Variants in MORN4 observed in about 807,000 individuals in gnomAD.
MORN4 encodes the protein MORN repeat-containing protein 4.
A neutral mutation model predicts 16.4 loss-of-function variants in MORN4; 8 were observed. The ratio of observed to expected loss-of-function variants is 0.49; its 90% CI spans 0.29 to 0.88. The LOEUF (loss-of-function observed/expected upper bound fraction) is 0.88, where lower values mean the gene tolerates loss of function less well. Ranked by LOEUF, MORN4 falls within the 40% of genes least tolerant of loss-of-function variation. MORN4 has a pLI of 0.09. For synonymous variants in MORN4, 53 were observed against 68.9 expected, an observed-to-expected ratio of 0.77 and a Z score of 1.14; for missense variants, 159 against 182.9, an observed-to-expected ratio of 0.87 and a Z score of 0.75.
rs1417062917 is a variant in MORN4 at position 97,614,588 on chromosome 10, C to T, written c.*1675G>A. 1 of 152,566 alleles carries T rather than the reference C, an allele frequency of 6.6e-6. No individual in the cohort carries two copies. Among genetic ancestry groups the T allele is most frequent in the Non-Finnish European group, 1.5e-5 (1 of 68,036 alleles). 9.5% of individuals were successfully genotyped at this position (152,566 alleles called of 1,614,324 possible). ...TGGTGATTTCTTTATTCTTTATAAA[C>T]ACCTTTTTCTACAGTACAATTCAGA... On this transcript the variant is annotated 3_prime_UTR_variant, in exon 5 of 5. Coordinates refer to ENST00000307450, the MANE Select transcript of MORN4 (RefSeq NM_178832.4).
At chr10:97,619,706 A>T in intron 1 of MORN4, 23 bp from the exon 2 acceptor site, 1 of 1,584,532 alleles carries the variant, frequency 6.3e-7, no homozygotes, top group Non-Finnish European at 8.7e-7. Flanking sequence ...AGCAAAGGAG[A>T]ACCAGTGTCA....
At chr10:97,616,530 A>G (rs1192883212) in intron 4 of MORN4, 119 bp from the exon 5 acceptor site, 2 of 1,303,534 alleles carry the variant, frequency 1.5e-6, no homozygotes, top group Non-Finnish European at 2.1e-6. Context: ...AGCTCTACTC[A>G]GGAGTACTCT....
chr10:97,631,834 C>T (rs2041398219), intron 1 of MORN4, among the ~76,000 whole-genome samples: 1 of 152,228 alleles, frequency 6.6e-6, no homozygotes, highest in South Asian at 2.1e-4. Flanking sequence ...ACTCAGGAGG[C>T]TGAGGTAGGA....
intron 1 of MORN4, among the ~76,000 whole-genome samples, chr10:97,632,212 C>CTTTTTTTTTTT (rs1162979185): frequency 5.7e-5 from 5 of 86,972 alleles, no homozygotes; most frequent in Admixed American, 1.5e-4. Context: ...TAATACTCCC[C>CTTTTTTTTTTT]TTTTTTTTTT....
intron 1 of MORN4, among the ~76,000 whole-genome samples, chr10:97,629,388 A>G (rs994700818): frequency 1.3e-5 from 2 of 152,200 alleles, no homozygotes; most frequent in Admixed American, 1.3e-4. Flanking sequence ...CTCTGTCTCA[A>G]AAGAAAATGG....
At chr10:97,622,205 T>C (rs1163600427) in intron 1 of MORN4, among the ~76,000 whole-genome samples, 1 of 152,152 alleles carries the variant, frequency 6.6e-6, no homozygotes, top group Non-Finnish European at 1.5e-5. Context: ...GCCACTGTGT[T>C]TTCTGGTGGT....
rs529497290 is a variant in MORN4, at chr10:97,630,589, A to G, written c.-31+2758T>C. ...GTCCATTGCCAAGACCACAGTCAGAAGTGCTAATGAAAGGGAATGTGTGTA... is the reference window on the plus strand; with the variant it reads ...GTCCATTGCCAAGACCACAGTCAGAGGTGCTAATGAAAGGGAATGTGTGTA... On this transcript the variant is annotated intron_variant, in intron 1 of 4. Transcript: ENST00000307450. Among the ~76,000 whole-genome samples the G allele has an allele frequency of 5.3e-5, 8 of 152,350 alleles. No individual in the cohort carries two copies. The East Asian group carries it at 1.5e-3, about 29-fold the overall frequency.
At chr10:97,632,800 G>T (rs2041408361) in intron 1 of MORN4, among the ~76,000 whole-genome samples, 2 of 151,940 alleles carry the variant, frequency 1.3e-5, no homozygotes, top group Non-Finnish European at 2.9e-5. Flanking sequence ...ACGGGAAAGG[G>T]AATGCCAGGG....
chr10:97,630,687 T>C (rs2135743899), intron 1 of MORN4, among the ~76,000 whole-genome samples: 1 of 152,362 alleles, frequency 6.6e-6, no homozygotes, highest in Non-Finnish European at 1.5e-5. Flanking sequence ...ATAGTTGATA[T>C]TGTCACTATT....
At chr10:97,621,120 CGAGA>C (rs1564765959) in intron 1 of MORN4, among the ~76,000 whole-genome samples, 2 of 134,890 alleles carry the variant, frequency 1.5e-5, no homozygotes, top group Admixed American at 7.4e-5. Flanking sequence ...GACTCTGTCT[CGAGA>C]AATAAATAAA....
At chr10:97,617,464 A>G (rs1378854791) in intron 2 of MORN4, 142 bp from the exon 3 acceptor site, 22 of 699,890 alleles carry the variant, frequency 3.1e-5, no homozygotes, top group Non-Finnish European at 5.5e-5. Flanking sequence ...GCAGAGGATT[A>G]TTAGCCAGAG....
chr10:97,618,916 C>G (rs368541238), intron 2 of MORN4, among the ~76,000 whole-genome samples: 2 of 151,674 alleles, frequency 1.3e-5, no homozygotes, highest in South Asian at 2.1e-4. Flanking sequence ...AGTTACTTAG[C>G]TTCTCCTTGC....
intron 1 of MORN4, among the ~76,000 whole-genome samples, chr10:97,625,573 T>G (rs1216219524): frequency 6.6e-6 from 1 of 152,216 alleles, no homozygotes; most frequent in Non-Finnish European, 1.5e-5. Flanking sequence ...CTTACTGTAA[T>G]GAAAACTTCT....
At chr10:97,630,560 T>C (rs976284964) in intron 1 of MORN4, among the ~76,000 whole-genome samples, 1 of 152,200 alleles carries the variant, frequency 6.6e-6, no homozygotes, top group African/African-American at 2.4e-5. Context: ...CTTGCCAAAA[T>C]GATGTCCATT....
intron 1 of MORN4, among the ~76,000 whole-genome samples, chr10:97,620,501 A>G (rs1589919092): frequency 7.2e-6 from 1 of 139,442 alleles, no homozygotes; most frequent in South Asian, 2.2e-4. Context: ...AAAAAAAAAA[A>G]AAAAAAGAAA....
rs775911895 is a variant in MORN4 at position 97,633,471 on chromosome 10, C to G, written c.-155G>C. On this transcript the variant is annotated 5_prime_UTR_variant, in exon 1 of 5. Coordinates refer to ENST00000307450, the MANE Select transcript of MORN4 (RefSeq NM_178832.4). The surrounding 1 kb of genome is among the most constrained non-coding windows in gnomAD (Gnocchi z 4.5). ...GCCACCTCCACCAGCGATTGCCCCA[C>G]TTGACGCCGCCATCCTGGGCGACCG... is the stretch of plus-strand genomic sequence containing the variant. 36 of 1,289,868 alleles carry G rather than the reference C, an allele frequency of 2.8e-5. 1 individual carries two copies. The South Asian group carries it at 3.8e-4, about 14-fold the overall frequency. The allele number at this position is 1,289,868 out of a possible 1,614,324, so 79.9% of individuals were successfully genotyped here.
At chr10:97,626,058 C>A (rs948409675) in intron 1 of MORN4, among the ~76,000 whole-genome samples, 2 of 149,140 alleles carry the variant, frequency 1.3e-5, no homozygotes, top group African/African-American at 2.5e-5. Flanking sequence ...CCACACCCAG[C>A]CTCATGCCTT....
chr10:97,629,753 T>G (rs191753023), intron 1 of MORN4, among the ~76,000 whole-genome samples: 252 of 152,066 alleles, frequency 1.7e-3, no homozygotes, highest in East Asian at 7.9e-3. Flanking sequence ...GGTGTTTTTT[T>G]TTTGTTTGTT....
At chr10:97,621,613 C>G (rs2041294333) in intron 1 of MORN4, among the ~76,000 whole-genome samples, 1 of 152,202 alleles carries the variant, frequency 6.6e-6, no homozygotes, top group Admixed American at 6.5e-5. Flanking sequence ...GGTGCGGTGG[C>G]TCACGCCTGT....
Sources: allele counts gnomAD v4.1 joint callset (sites outside exome capture counted in the v4.1 genomes callset), GRCh38; gene constraint gnomAD v4.1.1; non-coding constraint Gnocchi (gnomAD v3.1); transcripts MANE v1.5; gene names NCBI Gene and HGNC (gene_info 2026-07-23, HGNC 2026-07-21).